Variants in PARD3 observed in about 807,000 individuals in gnomAD.
PARD3 encodes par-3 family cell polarity regulator, also known as partitioning defective 3 homolog.
In PARD3, 75 loss-of-function variants were observed where a neutral mutation model predicts 155.4. The observed-to-expected ratio is 0.48, with a 90% CI of 0.40 to 0.58. The LOEUF is 0.58. PARD3 is among the 20% of genes least tolerant of loss of function. The pLI is 0.00. For synonymous variants in PARD3, 576 were observed against 610.5 expected (o/e 0.94, Z 0.83); for missense variants, 1,642 against 1,721.7 (o/e 0.95, Z 0.82).
intron 23 of PARD3, among the ~76,000 whole-genome samples, chr10:34,127,599 T>C (rs1947356515): frequency 6.6e-6 from 1 of 152,192 alleles, no homozygotes; most frequent in South Asian, 2.1e-4. Context: ...AATTAAATAA[T>C]TAGTTAAAGA....
intron 1 of PARD3, among the ~76,000 whole-genome samples, chr10:34,699,869 C>T (rs561279261): frequency 4.6e-5 from 7 of 151,976 alleles, no homozygotes; most frequent in African/African-American, 1.4e-4. Flanking sequence ...AGTGAGGCCC[C>T]GTCTCTTAGG....
intron 4 of PARD3, among the ~76,000 whole-genome samples, chr10:34,463,354 A>G (rs867188886): frequency 4.1e-5 from 3 of 73,494 alleles, no homozygotes; most frequent in African/African-American, 1.7e-4. Flanking sequence ...GGGGAAGGGG[A>G]AGGGGAGGGG....
At chr10:34,458,594 A>C (rs780449075) in intron 4 of PARD3, among the ~76,000 whole-genome samples, 15 of 152,210 alleles carry the variant, frequency 9.9e-5, no homozygotes, top group Non-Finnish European at 2.1e-4. Flanking sequence ...CAGTCTGGGC[A>C]ACAGAGAGAG....
Position 34,111,016 on chromosome 10 carries a change from T to C in PARD3, c.*153A>G. On this transcript the variant is annotated 3_prime_UTR_variant, in exon 25 of 25. Transcript: ENST00000374788. Reference sequence around the variant, plus strand: ...CATAGTGGCAAAGACATTAAGGCCTTCCATTTCTTTGCCTACACCGCTTAA... The same window carrying C: ...CATAGTGGCAAAGACATTAAGGCCTCCCATTTCTTTGCCTACACCGCTTAA... The C allele has an allele frequency of 1.3e-6, 1 of 744,092 alleles. No individual in the cohort carries two copies. The highest frequency in any genetic ancestry group is 2.1e-6 in the Non-Finnish European group (1 of 474,144). The allele number at this position is 744,092 out of a possible 1,614,324, so 46.1% of individuals were successfully genotyped here.
chr10:34,757,018 CAT>C (rs1307409145), intron 1 of PARD3, among the ~76,000 whole-genome samples: 1 of 152,196 alleles, frequency 6.6e-6, no homozygotes, highest in African/African-American at 2.4e-5. Flanking sequence ...AGATAAATAA[CAT>C]AATGTCTTGA....
At chr10:34,123,584 C>T (rs542478673) in intron 23 of PARD3, among the ~76,000 whole-genome samples, 1 of 152,142 alleles carries the variant, frequency 6.6e-6, no homozygotes, top group South Asian at 2.1e-4. Context: ...CACCACCATG[C>T]CTGGTTAATT....
chr10:34,416,423 C>T (rs112797693), intron 5 of PARD3, among the ~76,000 whole-genome samples: 10 of 152,266 alleles, frequency 6.6e-5, no homozygotes, highest in African/African-American at 2.4e-4. Flanking sequence ...TCACTAACAA[C>T]AAACATGAGT....
chr10:34,797,508 C>T (rs981974433), intron 1 of PARD3, among the ~76,000 whole-genome samples: 3 of 152,148 alleles, frequency 2.0e-5, no homozygotes, highest in African/African-American at 7.2e-5. Context: ...TGAAAGTGTG[C>T]CAACAGTCTT....
Position 34,448,134 on chromosome 10 carries a change from C to CGTGTGTGTGTGT in PARD3, c.714+2171_714+2182dup, listed in dbSNP as rs35325584. Among the ~76,000 whole-genome samples the CGTGTGTGTGTGT allele has an allele frequency of 1.3e-3, 193 of 147,140 alleles. 1 individual carries two copies. The highest frequency in any genetic ancestry group is 3.5e-3 in the African/African-American group (137 of 38,998). On this transcript the variant is annotated intron_variant, in intron 5 of 24. Transcript: ENST00000374788. ...GATAAAGAAAATGTGATATACACTG[C>CGTGTGTGTGTGT]GTGTGTGTGTGTGTGTGTGTGTGTG...
intron 22 of PARD3, among the ~76,000 whole-genome samples, chr10:34,213,595 G>A (rs548168658): frequency 1.1e-3 from 160 of 152,324 alleles, no homozygotes; most frequent in African/African-American, 3.7e-3. Flanking sequence ...AATGTTTACA[G>A]ACAATTATAA....
At chr10:34,504,686 G>C (rs1230610454) in intron 3 of PARD3, among the ~76,000 whole-genome samples, 1 of 152,096 alleles carries the variant, frequency 6.6e-6, no homozygotes, top group Non-Finnish European at 1.5e-5. Context: ...TTGCTGGCTT[G>C]TGGGCAGCTT....
chr10:34,464,569 A>C (rs2077884652), intron 4 of PARD3, among the ~76,000 whole-genome samples: 1 of 152,214 alleles, frequency 6.6e-6, no homozygotes, highest in Non-Finnish European at 1.5e-5. Flanking sequence ...ACATTCTCTG[A>C]AGGGTACTTC....
chr10:34,703,748 A>G (rs1345706030), intron 1 of PARD3, among the ~76,000 whole-genome samples: 1 of 152,138 alleles, frequency 6.6e-6, no homozygotes, highest in African/African-American at 2.4e-5. Flanking sequence ...AACATCCAGA[A>G]AATAAAGCAC....
At chr10:34,714,044 C>T (rs755315896) in intron 1 of PARD3, among the ~76,000 whole-genome samples, 1 of 152,154 alleles carries the variant, frequency 6.6e-6, no homozygotes, top group Non-Finnish European at 1.5e-5. Flanking sequence ...GTTTACTTCT[C>T]CCTAGCAAAC....
intron 2 of PARD3, among the ~76,000 whole-genome samples, chr10:34,641,063 C>T (rs1369805614): frequency 6.6e-6 from 1 of 151,984 alleles, no homozygotes; most frequent in African/African-American, 2.4e-5. Context: ...TTACAATTTC[C>T]AGAACAATAT....
chr10:34,742,113 G>A (rs2095029863), intron 1 of PARD3, among the ~76,000 whole-genome samples: 1 of 152,142 alleles, frequency 6.6e-6, no homozygotes. Context: ...GAAAATTCAC[G>A]TGATAGCTAC....
chr10:34,666,788 A>AAAAAAAG, intron 2 of PARD3, among the ~76,000 whole-genome samples: 1 of 90,750 alleles, frequency 1.1e-5, no homozygotes, highest in Non-Finnish European at 2.0e-5. Context: ...AAAAAAAAAA[A>AAAAAAAG]AAAAAAAAAT....
chr10:34,769,620 T>C (rs1838577832), intron 1 of PARD3, among the ~76,000 whole-genome samples: 1 of 151,772 alleles, frequency 6.6e-6, no homozygotes, highest in Admixed American at 6.6e-5. Context: ...GCCTGGCACA[T>C]AGTGGCACGT....
chr10:34,325,452 A>G (rs985557406), intron 19 of PARD3, among the ~76,000 whole-genome samples: 1 of 152,046 alleles, frequency 6.6e-6, no homozygotes, highest in African/African-American at 2.4e-5. Context: ...AACTCGGCCA[A>G]TACCTCTCTT....
Sources: allele counts gnomAD v4.1 joint callset (sites outside exome capture counted in the v4.1 genomes callset), GRCh38; gene constraint gnomAD v4.1.1; transcripts MANE v1.5; gene names NCBI Gene and HGNC (gene_info 2026-07-23, HGNC 2026-07-21).